NAA11: variants seen among roughly 807,000 people sequenced by gnomAD.
The protein encoded by NAA11 is N-alpha-acetyltransferase 11.
Under a neutral mutation model 16.1 loss-of-function variants are expected in NAA11, and 15 were observed. That is an observed-to-expected ratio of 0.93 (90% confidence interval 0.62 to 1.44). The LOEUF (loss-of-function observed/expected upper bound fraction) is 1.44. Ranked by LOEUF, NAA11 falls within the 40% of genes most tolerant of loss-of-function variation. The probability of loss-of-function intolerance (pLI) is 0.00; values close to 1 mark genes in which losing one functional copy is unlikely to be tolerated. For synonymous variants in NAA11, 122 were observed against 112.4 expected, an observed-to-expected ratio of 1.09 and a Z score of -0.54; for missense variants, 298 against 291.3, an observed-to-expected ratio of 1.02 and a Z score of -0.17.
chr4:79,245,122 G>C (rs1721782153), intron 2 of NAA11: 1 of 156,368 alleles, frequency 6.4e-6, no homozygotes, highest in East Asian at 1.9e-4. Flanking sequence ...TCTGCCCGGT[G>C]CCCAGTCTGG....
the NAA11 span, among the ~76,000 whole-genome samples, chr4:79,177,791 A>G: frequency 1.3e-5 from 2 of 152,150 alleles, no homozygotes; most frequent in African/African-American, 2.4e-5. Context: ...CTTTTTGGGA[A>G]AGATAATTTC....
intron 2 of NAA11, among the ~76,000 whole-genome samples, chr4:79,254,700 T>A (rs182483556): frequency 4.7e-5 from 7 of 149,836 alleles, no homozygotes; most frequent in East Asian, 3.9e-4. Flanking sequence ...TATTTACTTT[T>A]TTATTATTAT....
At chr4:79,246,337 C>A (rs4101622) in intron 2 of NAA11, among the ~76,000 whole-genome samples, 101,872 of 144,026 alleles carry the variant, frequency 0.71, 37,856 homozygotes, top group East Asian at 0.89. Context: ...CCTGCCAAAT[C>A]CCTCTCTCCG....
chr4:79,202,648 T>TATATATATATATATATATATATATA, the NAA11 span, among the ~76,000 whole-genome samples: 1 of 127,698 alleles, frequency 7.8e-6, no homozygotes, highest in African/African-American at 2.7e-5. Context: ...TATATATATA[T>TATATATATATATATATATATATATA]ATCTGTGTAA....
the NAA11 span, among the ~76,000 whole-genome samples, chr4:79,206,206 G>A: frequency 1.3e-5 from 2 of 151,952 alleles, no homozygotes; most frequent in African/African-American, 2.4e-5. Context: ...AGGCAGTATG[G>A]TCATTTTCCA....
the NAA11 span, among the ~76,000 whole-genome samples, chr4:79,163,762 T>C: frequency 6.6e-6 from 1 of 152,158 alleles, no homozygotes; most frequent in Admixed American, 6.5e-5. Context: ...GAAGACACAA[T>C]GAAAAGATCC....
At chr4:79,290,224 C>G (rs1448339766) in intron 2 of NAA11, among the ~76,000 whole-genome samples, 1 of 152,066 alleles carries the variant, frequency 6.6e-6, no homozygotes, top group African/African-American at 2.4e-5. Context: ...CTGGTTGACA[C>G]AGTTGTGGGA....
chr4:79,244,031 G>A (rs2109962983), intron 2 of NAA11, among the ~76,000 whole-genome samples: 1 of 152,320 alleles, frequency 6.6e-6, no homozygotes, highest in South Asian at 2.1e-4. Context: ...TTCCAATGGA[G>A]TGTACACGGA....
At chr4:79,202,623 T>TTATATATATATATATATATGTATATA in the NAA11 span, among the ~76,000 whole-genome samples, 23 of 52,636 alleles carry the variant, frequency 4.4e-4, 2 homozygotes, top group African/African-American at 1.0e-3. Flanking sequence ...ATATATAGTT[T>TTATATATATATATATATATGTATATA]TATATATATA....
chr4:79,292,214 T>A (rs1006103379), intron 2 of NAA11, among the ~76,000 whole-genome samples: 2 of 152,220 alleles, frequency 1.3e-5, no homozygotes, highest in African/African-American at 4.8e-5. Context: ...CCTCTTCTTA[T>A]TGCAGAATCT....
chr4:79,319,637 T>C (rs1330896371), intron 1 of NAA11, among the ~76,000 whole-genome samples: 1 of 152,226 alleles, frequency 6.6e-6, no homozygotes, highest in African/African-American at 2.4e-5. Context: ...CATACACTGA[T>C]TGAAAGGTGA....
chr4:79,164,782 T>C, the NAA11 span, among the ~76,000 whole-genome samples: 1 of 152,214 alleles, frequency 6.6e-6, no homozygotes, highest in Non-Finnish European at 1.5e-5. Flanking sequence ...TAACAGAATG[T>C]ATCTACCTTT....
chr4:79,243,982 G>C (rs918597081), intron 2 of NAA11, among the ~76,000 whole-genome samples: 4 of 152,238 alleles, frequency 2.6e-5, no homozygotes, highest in Admixed American at 1.3e-4. Flanking sequence ...AGTGTGTTTA[G>C]AGAGTTATAG....
chr4:79,156,094 T>C, the NAA11 span, among the ~76,000 whole-genome samples: 2 of 152,190 alleles, frequency 1.3e-5, no homozygotes, highest in East Asian at 3.8e-4. Flanking sequence ...AATACCCATA[T>C]AGTTTAAAAA....
At chr4:79,205,737 G>T in the NAA11 span, among the ~76,000 whole-genome samples, 1 of 151,906 alleles carries the variant, frequency 6.6e-6, no homozygotes, top group Non-Finnish European at 1.5e-5. Flanking sequence ...GAATTTTTAG[G>T]CTTCAGGTCC....
intron 2 of NAA11, among the ~76,000 whole-genome samples, chr4:79,230,912 C>A (rs2109955445): frequency 6.6e-6 from 1 of 152,086 alleles, no homozygotes; most frequent in Admixed American, 6.6e-5. Context: ...CCTTGACTCC[C>A]AAAATTTTAT....
the NAA11 span, among the ~76,000 whole-genome samples, chr4:79,173,573 C>G: frequency 2.0e-5 from 3 of 151,968 alleles, no homozygotes; most frequent in Admixed American, 2.0e-4. Context: ...CAAATAAAGT[C>G]TCTAGGATTT....
chr4:79,193,813 G>A, the NAA11 span, among the ~76,000 whole-genome samples: 1 of 152,118 alleles, frequency 6.6e-6, no homozygotes, highest in South Asian at 2.1e-4. Flanking sequence ...AAATTACCTT[G>A]CGCAGTATGG....
chr4:79,179,379 A>G, the NAA11 span, among the ~76,000 whole-genome samples: 2 of 152,176 alleles, frequency 1.3e-5, no homozygotes, highest in Admixed American at 6.6e-5. Flanking sequence ...AGCTATTTTT[A>G]AGGCAGTGAT....
Sources: gnomAD v4.1 joint callset for allele counts (sites outside exome capture counted in the v4.1 genomes callset) on GRCh38, gnomAD v4.1.1 for gene constraint, MANE v1.5 for transcripts, NCBI Gene and HGNC (gene_info 2026-07-23, HGNC 2026-07-21) for gene names.